Variants in CASK observed in about 807,000 individuals in gnomAD.
CASK encodes peripheral plasma membrane protein CASK.
Under a neutral mutation model 82.9 loss-of-function variants are expected in CASK, and 4 were observed. The observed-to-expected ratio is 0.05, with a 90% CI of 0.02 to 0.11. The LOEUF (loss-of-function observed/expected upper bound fraction) is 0.11. CASK is among the 10% of genes least tolerant of loss of function. The pLI is 1.00. For synonymous variants in CASK, 259 were observed against 253.5 expected, an observed-to-expected ratio of 1.02 and a Z score of -0.20; for missense variants, 358 against 720.9, an observed-to-expected ratio of 0.50 and a Z score of 5.76.
chrX:41,715,051 T>C (rs2068037745), intron 5 of CASK, among the ~76,000 whole-genome samples: 1 of 112,349 alleles, frequency 8.9e-6, no homozygotes, highest in Non-Finnish European at 1.9e-5. Flanking sequence ...TAAATGACAG[T>C]TCCAAGGTGA....
intron 2 of CASK, among the ~76,000 whole-genome samples, chrX:41,803,856 C>T (rs2070055765): frequency 9.6e-6 from 1 of 103,680 alleles, no homozygotes; most frequent in South Asian, 4.1e-4. Flanking sequence ...ATATATGTTG[C>T]TGGTTACAGA....
intron 16 of CASK, among the ~76,000 whole-genome samples, chrX:41,563,733 TAGAA>T (rs2065267327): frequency 9.0e-6 from 1 of 111,382 alleles, no homozygotes; most frequent in Non-Finnish European, 1.9e-5. Context: ...ACTCAAGAAA[TAGAA>T]AGCCTGGATG....
intron 2 of CASK, among the ~76,000 whole-genome samples, chrX:41,847,819 A>G (rs904040158): frequency 2.7e-5 from 3 of 111,640 alleles, no homozygotes; most frequent in Non-Finnish European, 5.6e-5. Context: ...GTCTTTGCTC[A>G]AGGGTTTTGT....
At chrX:41,703,144 T>C (rs895433074) in intron 5 of CASK, among the ~76,000 whole-genome samples, 13 of 112,403 alleles carry the variant, frequency 1.2e-4, no homozygotes, top group Non-Finnish European at 2.3e-4. Context: ...TTTTGGTAAT[T>C]TCACATATAA....
Position 41,911,686 on chromosome X carries a change from T to C in CASK, c.59+11244A>G. The stretch of plus-strand genomic sequence containing the variant: ...TTTTCAGTCTTGAAATTTCACATTA[T>C]GAACAATTAATTAATCTGTCAATTG... On this transcript the variant is annotated intron_variant, in intron 1 of 26. Coordinates refer to ENST00000378163, the MANE Select transcript of CASK (RefSeq NM_001367721.1). 2.7e-5 allele frequency among the ~76,000 whole-genome samples: 3 copies of C among 112,111 alleles called. No individual in the cohort carries two copies. The South Asian group carries it at 1.1e-3, about 42-fold the overall frequency.
intron 11 of CASK, among the ~76,000 whole-genome samples, chrX:41,613,361 C>T (rs1255147204): frequency 9.9e-6 from 1 of 100,721 alleles, no homozygotes; most frequent in Middle Eastern, 4.4e-3. Flanking sequence ...GAAACATGTG[C>T]TGTGTCCACT....
intron 1 of CASK, among the ~76,000 whole-genome samples, chrX:41,884,123 T>C (rs2148031341): frequency 8.9e-6 from 1 of 111,990 alleles, no homozygotes; most frequent in East Asian, 2.8e-4. Context: ...GAAATTCCCC[T>C]AGAGCAGAGC....
intron 12 of CASK, among the ~76,000 whole-genome samples, chrX:41,600,073 T>C (rs1602326084): frequency 8.9e-6 from 1 of 112,096 alleles, no homozygotes; most frequent in Admixed American, 9.5e-5. Context: ...GATATTTACA[T>C]TAAATGAACA....
intron 11 of CASK, among the ~76,000 whole-genome samples, chrX:41,611,597 A>AGCTCTC (rs1217450090): frequency 9.5e-6 from 1 of 104,998 alleles, no homozygotes; most frequent in African/African-American, 3.5e-5. Context: ...TCAAGAAAGC[A>AGCTCTC]GCTCTCCCTC....
chrX:41,781,122 T>C (rs982587333), intron 3 of CASK, among the ~76,000 whole-genome samples: 7 of 111,475 alleles, frequency 6.3e-5, no homozygotes, highest in African/African-American at 2.0e-4. Context: ...TAAAATTTTT[T>C]CGTAGAGATG....
At chrX:41,615,195 A>C (rs1319636837) in intron 11 of CASK, among the ~76,000 whole-genome samples, 1 of 111,902 alleles carries the variant, frequency 8.9e-6, no homozygotes, top group East Asian at 2.8e-4. Context: ...GATAAAAGAG[A>C]TAAATGGCAG....
At chrX:41,794,576 A>G (rs1442812213) in intron 2 of CASK, among the ~76,000 whole-genome samples, 1 of 112,178 alleles carries the variant, frequency 8.9e-6, no homozygotes, top group Non-Finnish European at 1.9e-5. Context: ...TTAGAGAAAT[A>G]TCAGTTTATA....
intron 2 of CASK, among the ~76,000 whole-genome samples, chrX:41,809,802 G>A (rs894480358): frequency 8.9e-6 from 1 of 111,930 alleles, no homozygotes; most frequent in Non-Finnish European, 1.9e-5. Flanking sequence ...AGCTAAAGGA[G>A]GAAGTTTGAA....
intron 5 of CASK, among the ~76,000 whole-genome samples, chrX:41,735,119 T>TGA (rs1428516509): frequency 2.5e-4 from 27 of 109,877 alleles, no homozygotes; most frequent in Non-Finnish European, 4.4e-4. Context: ...CCAAGAATTA[T>TGA]GAGAGAGAGA....
At chrX:41,903,276 G>C (rs990424208) in intron 1 of CASK, among the ~76,000 whole-genome samples, 1 of 112,329 alleles carries the variant, frequency 8.9e-6, no homozygotes, top group Non-Finnish European at 1.9e-5. Context: ...CTAGTGTTGG[G>C]AGACGGCAGA....
chrX:41,832,354 C>T lies in CASK; in HGVS notation c.172+20761G>A, dbSNP rs1315361258. On this transcript the variant is annotated intron_variant, in intron 2 of 26. Transcript: ENST00000378163. Reference sequence around the variant, plus strand: ...GTGTGTCATGGGGCCAGTTCCACACCAGTCCAACAAGGATCTCATTTTCTT... The same window carrying T: ...GTGTGTCATGGGGCCAGTTCCACACTAGTCCAACAAGGATCTCATTTTCTT... Among the ~76,000 whole-genome samples the T allele has an allele frequency of 8.0e-5, 9 of 111,848 alleles. No individual in the cohort carries two copies. The South Asian group carries it at 3.4e-3, about 42-fold the overall frequency.
chrX:41,624,915 G>C (rs1261702750), intron 10 of CASK, among the ~76,000 whole-genome samples: 2 of 111,000 alleles, frequency 1.8e-5, no homozygotes, highest in African/African-American at 3.3e-5. Context: ...GCTAGTCCAA[G>C]AGTACAAAAA....
chrX:41,902,438 T>G (rs1027720912), intron 1 of CASK, among the ~76,000 whole-genome samples: 5 of 111,397 alleles, frequency 4.5e-5, no homozygotes, highest in African/African-American at 1.6e-4. Context: ...GATTCCATTG[T>G]CGTGTCTCCT....
Position 41,671,088 on chromosome X carries a change from C to T in CASK, c.532+340G>A, listed in dbSNP as rs73470574. On this transcript the variant is annotated intron_variant, in intron 6 of 26. Transcript: ENST00000378163. ...GCCATCAGTGTAAACCAGGAAGTGG[C>T]TAATCTACACATTTTAGATTTGACT... is the stretch of plus-strand genomic sequence containing the variant. Among the ~76,000 whole-genome samples, 8,696 of 111,321 alleles carry T rather than the reference C, an allele frequency of 0.078. 870 individuals are homozygous for T. The highest frequency in any genetic ancestry group is 0.27 in the African/African-American group (8,320 of 30,467).
Sources: allele counts gnomAD v4.1 joint callset (sites outside exome capture counted in the v4.1 genomes callset), GRCh38; gene constraint gnomAD v4.1.1; transcripts MANE v1.5; gene names NCBI Gene and HGNC (gene_info 2026-07-23, HGNC 2026-07-21).